SLC14A2: variants seen among roughly 807,000 people sequenced by gnomAD.
SLC14A2 encodes solute carrier family 14 member 2.
In SLC14A2, 91 loss-of-function variants were observed where a neutral mutation model predicts 104.6. That is an observed-to-expected ratio of 0.87 (90% CI 0.73 to 1.04). The LOEUF is 1.04. SLC14A2 is among the 50% of genes least tolerant of loss of function. The pLI is 0.00. For missense variants in SLC14A2, 1,189 were observed against 1,156.0 expected, an observed-to-expected ratio of 1.03 and a Z score of -0.41; for synonymous variants, 476 against 466.4, an observed-to-expected ratio of 1.02 and a Z score of -0.27.
intron 2 of SLC14A2, among the ~76,000 whole-genome samples, chr18:45,549,067 T>C (rs1420117096): frequency 6.6e-6 from 1 of 152,244 alleles, no homozygotes. Context: ...CTCCTTCCTA[T>C]GCTGCCAGTT....
upstream of SLC14A2, among the ~76,000 whole-genome samples, chr18:45,212,415 A>G (rs1057372371): frequency 1.3e-5 from 2 of 152,224 alleles, no homozygotes; most frequent in African/African-American, 4.8e-5. Context: ...AACCTATACA[A>G]AGTCCATCAA....
chr18:45,204,592 T>C, the SLC14A2 span, among the ~76,000 whole-genome samples: 1 of 152,206 alleles, frequency 6.6e-6, no homozygotes, highest in Non-Finnish European at 1.5e-5. Context: ...AATGCATGTA[T>C]TGTAAATTCA....
chr18:45,530,277 T>C (rs1435223202), intron 2 of SLC14A2, among the ~76,000 whole-genome samples: 2 of 152,228 alleles, frequency 1.3e-5, no homozygotes, highest in African/African-American at 4.8e-5. Context: ...CTGATGTTTG[T>C]TGTCAATTCT....
the SLC14A2 span, among the ~76,000 whole-genome samples, chr18:45,173,576 A>G: frequency 2.6e-5 from 4 of 152,058 alleles, no homozygotes; most frequent in Non-Finnish European, 4.4e-5. Flanking sequence ...CTGTGAACCC[A>G]GGTGTTTGGG....
chr18:45,481,339 A>G (rs954693121), intron 1 of SLC14A2, among the ~76,000 whole-genome samples: 2 of 152,024 alleles, frequency 1.3e-5, no homozygotes, highest in East Asian at 1.9e-4. Flanking sequence ...TATGTATGCC[A>G]TCTACACTGG....
chr18:45,585,723 A>T (rs920492058), intron 2 of SLC14A2, among the ~76,000 whole-genome samples: 2 of 152,118 alleles, frequency 1.3e-5, no homozygotes, highest in African/African-American at 4.8e-5. Context: ...CTGCTCTTCC[A>T]GTCCTCGACT....
At chr18:45,624,579 C>A in intron 1 of SLC14A2, 52 bp from the exon 2 acceptor site, 1 of 1,408,078 alleles carries the variant, frequency 7.1e-7, no homozygotes, top group Non-Finnish European at 9.7e-7. Flanking sequence ...TCAGCCAAGT[C>A]CCTCTGGGCC....
the SLC14A2 span, among the ~76,000 whole-genome samples, chr18:45,204,977 G>T: frequency 6.6e-6 from 1 of 152,162 alleles, no homozygotes; most frequent in Non-Finnish European, 1.5e-5. Context: ...CCTGCCTTGG[G>T]TATCAGCTCC....
At chr18:45,605,352 C>G (rs1193707337) in intron 2 of SLC14A2, among the ~76,000 whole-genome samples, 1 of 152,168 alleles carries the variant, frequency 6.6e-6, no homozygotes, top group Non-Finnish European at 1.5e-5. Context: ...TTGGGGACCA[C>G]TGGTTTTAGT....
intron 10 of SLC14A2, among the ~76,000 whole-genome samples, chr18:45,657,209 C>T (rs1473430366): frequency 6.6e-6 from 1 of 152,128 alleles, no homozygotes; most frequent in African/African-American, 2.4e-5. Flanking sequence ...CAGTGGCTCA[C>T]GCCTGTAATC....
chr18:45,346,599 G>A (rs953854140), intron 1 of SLC14A2, among the ~76,000 whole-genome samples: 7 of 152,150 alleles, frequency 4.6e-5, no homozygotes, highest in African/African-American at 1.7e-4. Flanking sequence ...ATAAGCAGGA[G>A]TTTGGAAATT....
intron 2 of SLC14A2, among the ~76,000 whole-genome samples, chr18:45,562,283 G>A (rs1263771812): frequency 2.0e-5 from 3 of 152,318 alleles, no homozygotes; most frequent in Non-Finnish European, 4.4e-5. Context: ...CAGTCTATAC[G>A]TAATTAAAAG....
At chr18:45,292,299 G>C (rs191490443) in intron 1 of SLC14A2, among the ~76,000 whole-genome samples, 4 of 152,154 alleles carry the variant, frequency 2.6e-5, no homozygotes, top group Non-Finnish European at 4.4e-5. Context: ...TCAGTACCTA[G>C]GAATCTAGTG....
At chr18:45,239,706 G>A (rs1323749781) in intron 1 of SLC14A2, among the ~76,000 whole-genome samples, 2 of 152,228 alleles carry the variant, frequency 1.3e-5, no homozygotes, top group Non-Finnish European at 2.9e-5. Flanking sequence ...AAATTCTTGT[G>A]CTAATCATTG....
upstream of SLC14A2, among the ~76,000 whole-genome samples, chr18:45,613,031 AG>A (rs1409457192): frequency 2.8e-5 from 2 of 71,880 alleles, no homozygotes; most frequent in Non-Finnish European, 5.4e-5. Context: ...AGTCTTTGGC[AG>A]TTTTTTTTTG....
rs151177798 is a variant in SLC14A2, at chr18:45,410,180, T to C, written c.-124-73053T>C. On this transcript the variant is annotated intron_variant, in intron 1 of 20. Coordinates refer to the SLC14A2 transcript ENST00000586448. ...GGAGCTCAGGTGGTAATGCAAGTGA[T>C]GGGGAGTGGCTGTCAATACAGATGA... Among the ~76,000 whole-genome samples the C allele has an allele frequency of 8.7e-3, 1,331 of 152,266 alleles. 4 individuals carry two copies. The highest frequency in any genetic ancestry group is 0.013 in the Non-Finnish European group (865 of 68,016).
intron 2 of SLC14A2, among the ~76,000 whole-genome samples, chr18:45,590,954 A>G (rs74675061): frequency 0.011 from 1,656 of 152,306 alleles, 50 homozygotes; most frequent in East Asian, 0.1. Context: ...CTAAGATCAC[A>G]TAACCAACAT....
chr18:45,552,080 T>C (rs2044063884), intron 2 of SLC14A2, among the ~76,000 whole-genome samples: 1 of 152,232 alleles, frequency 6.6e-6, no homozygotes, highest in Admixed American at 6.5e-5. Context: ...ACTAACTTTT[T>C]AGTAGCAGAT....
At chr18:45,264,745 A>G (rs1028547393) in intron 1 of SLC14A2, among the ~76,000 whole-genome samples, 8 of 152,194 alleles carry the variant, frequency 5.3e-5, no homozygotes, top group African/African-American at 1.4e-4. Flanking sequence ...CCATGATTCA[A>G]TTATCTCCCA....
Sources: gnomAD v4.1 joint callset for allele counts (sites outside exome capture counted in the v4.1 genomes callset) on GRCh38, gnomAD v4.1.1 for gene constraint, MANE v1.5 for transcripts, NCBI Gene and HGNC (gene_info 2026-07-23, HGNC 2026-07-21) for gene names.